The following SUMF1 variants were observed in gnomAD, a reference collection of about 807,000 sequenced individuals.
SUMF1 encodes sulfatase modifying factor 1.
In SUMF1, 48 loss-of-function variants were observed where a neutral mutation model predicts 47.6. The ratio of observed to expected loss-of-function variants is 1.01; its 90% confidence interval spans 0.80 to 1.28. The LOEUF (loss-of-function observed/expected upper bound fraction) is 1.28. Ranked by LOEUF, SUMF1 falls within the 50% of genes most tolerant of loss-of-function variation. SUMF1 has a pLI of 0.00. For synonymous variants in SUMF1, 230 were observed against 192.1 expected (o/e 1.20, Z -1.63); for missense variants, 571 against 485.4 (o/e 1.18, Z -1.66).
At chr3:4,083,735 C>G (rs931859397) in intron 8 of SUMF1, among the ~76,000 whole-genome samples, 1 of 151,636 alleles carries the variant, frequency 6.6e-6, no homozygotes, top group Non-Finnish European at 1.5e-5. Flanking sequence ...GACATCATGC[C>G]TATCCTCAGA....
intron 8 of SUMF1, among the ~76,000 whole-genome samples, chr3:4,073,703 AAC>A (rs563155614): frequency 1.8e-4 from 27 of 152,304 alleles, no homozygotes; most frequent in Admixed American, 9.1e-4. Flanking sequence ...TCTCTGAGAA[AAC>A]ACACTTTAAA....
intron 8 of SUMF1, among the ~76,000 whole-genome samples, chr3:4,247,199 G>T (rs1469419882): frequency 1.3e-5 from 2 of 152,120 alleles, no homozygotes; most frequent in Non-Finnish European, 2.9e-5. Context: ...CCAGAGTCAA[G>T]GCCAAGTAAT....
intron 8 of SUMF1, among the ~76,000 whole-genome samples, chr3:4,329,793 G>C (rs1699015243): frequency 6.6e-6 from 1 of 151,574 alleles, no homozygotes; most frequent in Admixed American, 6.6e-5. Flanking sequence ...CACATCATCA[G>C]GCTGCTAATT....
chr3:4,128,007 C>G (rs371419205), intron 8 of SUMF1, among the ~76,000 whole-genome samples: 9 of 151,970 alleles, frequency 5.9e-5, no homozygotes, highest in Admixed American at 5.9e-4. Context: ...TTTGACCATA[C>G]GTGGAGAACC....
At chr3:4,268,745 T>G (rs1233779573) in intron 8 of SUMF1, among the ~76,000 whole-genome samples, 1 of 152,120 alleles carries the variant, frequency 6.6e-6, no homozygotes, top group Non-Finnish European at 1.5e-5. Context: ...TGAACCCGTA[T>G]CTAATTAACT....
intron 3 of SUMF1, among the ~76,000 whole-genome samples, chr3:4,423,081 C>T (rs899565289): frequency 1.1e-4 from 17 of 152,214 alleles, no homozygotes; most frequent in Admixed American, 7.9e-4. Flanking sequence ...ATGGAAAGAG[C>T]GTGGAGATTC....
chr3:4,464,431 T>TGTGTGTGTGA (rs1553592599), intron 1 of SUMF1, among the ~76,000 whole-genome samples: 3 of 151,016 alleles, frequency 2.0e-5, no homozygotes, highest in African/African-American at 7.3e-5. Context: ...TGTGTGTGTG[T>TGTGTGTGTGA]GAGAGAGAGA....
intron 3 of SUMF1, 88 bp downstream of exon 3, chr3:4,449,177 GA>G: frequency 2.9e-6 from 4 of 1,359,344 alleles, no homozygotes; most frequent in Non-Finnish European, 4.2e-6. Flanking sequence ...ACAGGGAGAG[GA>G]AGGTGACACA....
chr3:4,178,462 C>T (rs189835833), intron 8 of SUMF1, among the ~76,000 whole-genome samples: 4 of 152,248 alleles, frequency 2.6e-5, no homozygotes, highest in African/African-American at 9.6e-5. Context: ...TCAATAGATG[C>T]AGAAAAGGCC....
chr3:4,062,668 G>A (rs1212720823), intron 9 of SUMF1, among the ~76,000 whole-genome samples: 1 of 152,096 alleles, frequency 6.6e-6, no homozygotes, highest in Non-Finnish European at 1.5e-5. Context: ...CTTAAAGTGG[G>A]TACTTTAGGG....
intron 8 of SUMF1, among the ~76,000 whole-genome samples, chr3:4,204,383 T>A (rs1291935032): frequency 1.3e-5 from 2 of 152,142 alleles, no homozygotes; most frequent in African/African-American, 4.8e-5. Context: ...GTTGTTTGTT[T>A]TCTCTTGCTG....
rs903055286 is a variant in SUMF1, at chr3:4,071,709, C to A, written c.1015-2964G>T. Among the ~76,000 whole-genome samples, 7 of 152,302 alleles carry A rather than the reference C, an allele frequency of 4.6e-5. No individual in the cohort carries two copies. The South Asian group carries it at 1.5e-3, about 32-fold the overall frequency. ...GCCAGGAAGCTCAAACTGGGTGGAG[C>A]CCACCACAGCTCAGCAAGGCTGACT... On this transcript the variant is annotated intron_variant and NMD_transcript_variant, in intron 8 of 12. Transcript: ENST00000448413.
intron 8 of SUMF1, among the ~76,000 whole-genome samples, chr3:4,364,333 G>A (rs1333969183): frequency 1.0e-5 from 1 of 97,136 alleles, no homozygotes; most frequent in Non-Finnish European, 2.1e-5. Context: ...GGTAGAATTC[G>A]GCTGTGAATC....
In SUMF1 at chr3:4,088,797, G is replaced by A. The variant is rs112931248; in HGVS notation, c.1015-20052C>T. On this transcript the variant is annotated intron_variant and NMD_transcript_variant, in intron 8 of 12. Coordinates refer to the SUMF1 transcript ENST00000448413. The stretch of plus-strand genomic sequence containing the variant: ...GCACACGTCTCTGATTGGCCATCCC[G>A]ATCAATTTCCCCACCTGACTCAATA... 2.4e-3 allele frequency among the ~76,000 whole-genome samples: 371 copies of A among 152,016 alleles called. 3 individuals are homozygous for A. Among genetic ancestry groups the A allele is most frequent in the African/African-American group, 8.4e-3 (350 of 41,424 alleles).
intron 8 of SUMF1, among the ~76,000 whole-genome samples, chr3:4,242,201 T>G (rs1296973062): frequency 6.6e-6 from 1 of 152,194 alleles, no homozygotes. Context: ...TTTCTAAATA[T>G]ACAATCATGT....
At chr3:4,303,556 C>G in intron 8 of SUMF1, 2 of 1,339,394 alleles carry the variant, frequency 1.5e-6, no homozygotes, top group Non-Finnish European at 1.9e-6. Flanking sequence ...GCGCGGGAGG[C>G]GGGCGCGCGG....
chr3:4,298,652 T>G (rs557509704), intron 8 of SUMF1, among the ~76,000 whole-genome samples: 2 of 152,368 alleles, frequency 1.3e-5, no homozygotes, highest in South Asian at 4.1e-4. Context: ...TTACAATTTC[T>G]ATCACATTCT....
chr3:4,232,539 G>A (rs535770244), intron 8 of SUMF1, among the ~76,000 whole-genome samples: 14 of 152,012 alleles, frequency 9.2e-5, no homozygotes, highest in African/African-American at 2.7e-4. Flanking sequence ...AGTGGAGAAT[G>A]GTCCCTCAAA....
intron 1 of SUMF1, among the ~76,000 whole-genome samples, chr3:4,455,925 A>G (rs1703145496): frequency 6.6e-6 from 1 of 152,194 alleles, no homozygotes; most frequent in Non-Finnish European, 1.5e-5. Flanking sequence ...ACTAGAAGAA[A>G]AAAAAATACA....
Sources: gnomAD v4.1 joint callset for allele counts (sites outside exome capture counted in the v4.1 genomes callset) on GRCh38, gnomAD v4.1.1 for gene constraint, MANE v1.5 for transcripts, NCBI Gene and HGNC (gene_info 2026-07-23, HGNC 2026-07-21) for gene names.